Variants in PAX1 observed in about 807,000 individuals in gnomAD.
PAX1 encodes the protein paired box protein Pax-1.
A neutral mutation model predicts 35.6 loss-of-function variants in PAX1; 18 were observed. The observed-to-expected ratio is 0.50, with a 90% CI of 0.35 to 0.75. The LOEUF is 0.75. PAX1 is among the 30% of genes least tolerant of loss of function. The probability of loss-of-function intolerance (pLI) is 0.01; values close to 1 mark genes in which losing one functional copy is unlikely to be tolerated. For synonymous variants in PAX1, 397 were observed against 305.2 expected, an observed-to-expected ratio of 1.30 and a Z score of -3.14; for missense variants, 760 against 661.5, an observed-to-expected ratio of 1.15 and a Z score of -1.63.
At chr20:21,712,022 T>C (rs1162807427) in intron 4 of PAX1, among the ~76,000 whole-genome samples, 1 of 152,228 alleles carries the variant, frequency 6.6e-6, no homozygotes, top group Non-Finnish European at 1.5e-5. Context: ...AAAAAATTCT[T>C]CTGTGTAATG....
chr20:21,712,025 G>C (rs919857574), intron 4 of PAX1, among the ~76,000 whole-genome samples: 3 of 152,162 alleles, frequency 2.0e-5, no homozygotes, highest in African/African-American at 7.2e-5. Flanking sequence ...AAATTCTTCT[G>C]TGTAATGAAA....
rs1984994355 is a variant in PAX1, at chr20:21,706,291, GC to G, written c.287-144del. The G allele has an allele frequency of 9.0e-7, 1 of 1,106,748 alleles. No homozygotes were observed. Among genetic ancestry groups the G allele is most frequent in the Non-Finnish European group, 1.3e-6 (1 of 743,516 alleles). The allele number at this position is 1,106,748 out of a possible 1,614,324, so 68.6% of individuals were successfully genotyped here. The stretch of plus-strand genomic sequence containing the variant: ...ACTCCAAGCCAGACCCAGGCGGTTT[GC>G]CCTTGGACTCCGAGCTGTCTGGGGA... On this transcript the variant is annotated intron_variant, in intron 1 of 4. Transcript: ENST00000613128. The surrounding 1 kb of genome is among the most constrained non-coding windows in gnomAD (Gnocchi z 5.3).
rs896546229 is a variant in PAX1 at position 21,717,660 on chromosome 20, G to A, written c.*3098G>A. On this transcript the variant is annotated 3_prime_UTR_variant, in exon 5 of 5. Coordinates refer to ENST00000613128, the MANE Select transcript of PAX1 (RefSeq NM_001257096.2). ...TTTGAGAAACAATCACTCCCTAAAC[G>A]CAGTTTGTCTTTGCCTTTCATTTTT... The A allele has an allele frequency of 7.2e-5, 11 of 152,076 alleles. No individual in the cohort carries two copies. Among genetic ancestry groups the A allele is most frequent in the African/African-American group, 1.2e-4 (5 of 41,404 alleles). 9.4% of individuals were successfully genotyped at this position (152,076 alleles called of 1,614,324 possible).
chr20:21,705,821 G>GC lies in PAX1; in HGVS notation c.110dup (p.Gln38ThrfsTer98). ...GGGCGGCAGCGCGCTCCGCTGCCGC[G>GC]CACAGCGCGTCTCCAGCCCGCGGCT... On this transcript the variant is annotated frameshift_variant, in exon 1 of 5. Coordinates refer to ENST00000613128, the MANE Select transcript of PAX1 (RefSeq NM_001257096.2). LOFTEE classifies it high-confidence loss of function. 7.5e-7 allele frequency: 1 copy of GC among 1,328,682 alleles called. No homozygotes were observed. Among genetic ancestry groups the GC allele is most frequent in the Non-Finnish European group, 9.6e-7 (1 of 1,036,766 alleles). The allele number at this position is 1,328,682 out of a possible 1,614,324, so 82.3% of individuals were successfully genotyped here. A position where few individuals can be genotyped will look rare whatever the true frequency, so the allele number is the denominator to read the frequency against.
chr20:21,710,733 A>G (rs1985176437), intron 4 of PAX1, among the ~76,000 whole-genome samples: 2 of 152,244 alleles, frequency 1.3e-5, no homozygotes, highest in Non-Finnish European at 2.9e-5. Context: ...GATGCCATCC[A>G]CAACAGTGAA....
At chr20:21,713,380 T>TGTG (rs1555805030) in intron 4 of PAX1, among the ~76,000 whole-genome samples, 72 of 135,880 alleles carry the variant, frequency 5.3e-4, no homozygotes, top group Admixed American at 1.1e-3. Flanking sequence ...TTTCTTTTTT[T>TGTG]TTTGTGTGTG....
chr20:21,714,210 G>A (rs1056336225), intron 4 of PAX1, among the ~76,000 whole-genome samples: 2 of 152,308 alleles, frequency 1.3e-5, no homozygotes, highest in Admixed American at 6.5e-5. Flanking sequence ...CCTGGCCAGC[G>A]GTCAGTGTTT....
rs770700593 is a variant in PAX1 at position 21,706,532 on chromosome 20, G to T, written c.381G>T (p.Ala127=). The change falls in exon 2 of 5, where the codon GCG becomes GCT. Residue 127 remains alanine (A), a synonymous_variant. Coordinates refer to ENST00000613128, the MANE Select transcript of PAX1 (RefSeq NM_001257096.2). The surrounding 1 kb of genome is among the most constrained non-coding windows in gnomAD (Gnocchi z 5.3). ...TCCGCTTGCGCATTGTGGAGCTGGC[G>T]CAGCTGGGCATCCGACCCTGTGACA... The part of the protein sequence containing the change: ...NAIRLRIVEL[A]QLGIRPCDIS... 1 of 1,612,320 alleles carries T rather than the reference G, an allele frequency of 6.2e-7. No individual in the cohort carries two copies. The highest frequency in any genetic ancestry group is 8.5e-7 in the Non-Finnish European group (1 of 1,179,996).
intron 4 of PAX1, among the ~76,000 whole-genome samples, chr20:21,711,251 G>C (rs889329849): frequency 6.6e-6 from 1 of 152,256 alleles, no homozygotes; most frequent in Non-Finnish European, 1.5e-5. Flanking sequence ...GAATGCATTT[G>C]TTTTCAATAG....
At position 21,709,462 on chromosome 20, in the gene PAX1, T is replaced by TG. The variant is rs35752633; in HGVS notation, c.1282+22dup. ...CCGAGAAGGTGAGGAGCGCAGGGAG[T>TG]GGGGCGGGTGGATGCTGGAAGGGTT... is the stretch of plus-strand genomic sequence containing the variant. On this transcript the variant is annotated intron_variant, in intron 4 of 4. Transcript: ENST00000613128. 2 of 1,491,718 alleles carry TG rather than the reference T, an allele frequency of 1.3e-6. No individual in the cohort carries two copies. The highest frequency in any genetic ancestry group is 1.8e-6 in the Non-Finnish European group (2 of 1,122,194). The allele number at this position is 1,491,718 out of a possible 1,614,324, so 92.4% of individuals were successfully genotyped here.
At chr20:21,713,369 T>C (rs1985255541) in intron 4 of PAX1, among the ~76,000 whole-genome samples, 1 of 137,458 alleles carries the variant, frequency 7.3e-6, no homozygotes, top group Non-Finnish European at 1.5e-5. Context: ...AAACCGTGTG[T>C]TTTCTTTTTT....
In PAX1 at chr20:21,706,008, G is replaced by T; in HGVS notation, c.286+10G>T. The T allele has an allele frequency of 1.4e-6, 2 of 1,467,444 alleles. No homozygotes were observed. Among genetic ancestry groups the T allele is most frequent in the Non-Finnish European group, 1.8e-6 (2 of 1,118,730 alleles). 90.9% of individuals were successfully genotyped at this position (1,467,444 alleles called of 1,614,324 possible). A position where few individuals can be genotyped will look rare whatever the true frequency, so the allele number is the denominator to read the frequency against. ...GGCCCGCTCGCTATGGGTAAGGGGCGGGCGACAGGCAGGGCTCGGGAGGGC... is the reference window on the plus strand; with the variant it reads ...GGCCCGCTCGCTATGGGTAAGGGGCTGGCGACAGGCAGGGCTCGGGAGGGC... On this transcript the variant is annotated intron_variant, in intron 1 of 4. Transcript: ENST00000613128. This position sits in a 1 kb window ranked among gnomAD's most constrained non-coding sequence, Gnocchi z 5.3.
In PAX1 at chr20:21,712,967, G is replaced by A. The variant is rs368140458; in HGVS notation, c.1283-1504G>A. Among the ~76,000 whole-genome samples, 90 of 152,322 alleles carry A rather than the reference G, an allele frequency of 5.9e-4. 2 individuals are homozygous for A. The South Asian group carries it at 0.018, about 30-fold the overall frequency. The stretch of plus-strand genomic sequence containing the variant: ...CCTGACCTAGGCCCCGGCCTCCGAG[G>A]GCCCAGAAGTACCCACCCTTGTTGT... On this transcript the variant is annotated intron_variant, in intron 4 of 4. Coordinates refer to ENST00000613128, the MANE Select transcript of PAX1 (RefSeq NM_001257096.2).
At position 21,706,637 on chromosome 20, in the gene PAX1, C is replaced by T. The variant is rs199752989; in HGVS notation, c.486C>T (p.Pro162=). 1.2e-5 allele frequency: 19 copies of T among 1,612,068 alleles called. No individual in the cohort carries two copies. In the East Asian group the frequency reaches 3.6e-4, roughly 30 times the overall value. ...ARYNETGSIL[P]GAIGGSKPRV... Reference sequence around the variant, plus strand: ...ACAACGAGACCGGCTCCATTCTGCCCGGGGCCATCGGGGGGAGCAAGCCCC... The same window carrying T: ...ACAACGAGACCGGCTCCATTCTGCCTGGGGCCATCGGGGGGAGCAAGCCCC... The change falls in exon 2 of 5, where the codon CCC becomes CCT. Residue 162 remains proline (P), a synonymous_variant. Transcript: ENST00000613128. The surrounding 1 kb of genome is among the most constrained non-coding windows in gnomAD (Gnocchi z 5.3).
chr20:21,707,973 A>G (rs771374339), intron 2 of PAX1, among the ~76,000 whole-genome samples: 1 of 152,128 alleles, frequency 6.6e-6, no homozygotes, highest in Non-Finnish European at 1.5e-5. Context: ...TTCCCATGGA[A>G]TGGCAGGGGT....
intron 2 of PAX1, chr20:21,708,179 G>A (rs1017350346): frequency 2.7e-6 from 1 of 376,460 alleles, no homozygotes; most frequent in African/African-American, 2.1e-5. Context: ...CCAGAGGCTT[G>A]TGCAGATGTT....
rs1293246302 is a variant in PAX1 at position 21,706,505 on chromosome 20, C to T, written c.354C>T (p.Ala118=). Reference sequence around the variant, plus strand: ...TCAACGGCCGCCCCCTGCCCAACGCCATCCGCTTGCGCATTGTGGAGCTGG... The same window carrying T: ...TCAACGGCCGCCCCCTGCCCAACGCTATCCGCTTGCGCATTGTGGAGCTGG... ...VFVNGRPLPN[A]IRLRIVELAQ... Residue 118 remains alanine, a synonymous_variant, in exon 2 of 5, where the codon GCC becomes GCT. Coordinates refer to ENST00000613128, the MANE Select transcript of PAX1 (RefSeq NM_001257096.2). This position sits in a 1 kb window ranked among gnomAD's most constrained non-coding sequence, Gnocchi z 5.3. The T allele has an allele frequency of 6.2e-7, 1 of 1,612,324 alleles. No homozygotes were observed.
chr20:21,709,398 C>A lies in PAX1; in HGVS notation c.1236C>A (p.Gly412=), dbSNP rs766079045. The change falls in exon 4 of 5, where the codon GGC becomes GGA. Residue 412 remains glycine (G), a synonymous_variant. Transcript: ENST00000613128. ...APPGAGVAVH[G]GELAAAMTFK... is the part of the protein sequence containing the mutation. Reference sequence around the variant, plus strand: ...CCGGGGCCGGCGTAGCTGTGCATGGCGGGGAACTCGCGGCAGCAATGACCT... The same window carrying A: ...CCGGGGCCGGCGTAGCTGTGCATGGAGGGGAACTCGCGGCAGCAATGACCT... The A allele has an allele frequency of 1.3e-6, 2 of 1,549,712 alleles. No individual in the cohort carries two copies. Among genetic ancestry groups the A allele is most frequent in the African/African-American group, 2.7e-5 (2 of 73,740 alleles).
Position 21,705,889 on chromosome 20 carries a change from C to A in PAX1, c.177C>A (p.Cys59Ter), listed in dbSNP as rs1266250537. 2 of 1,403,052 alleles carry A rather than the reference C, an allele frequency of 1.4e-6. No homozygotes were observed. Among genetic ancestry groups the A allele is most frequent in the Admixed American group, 5.5e-5 (2 of 36,254 alleles). The allele number at this position is 1,403,052 out of a possible 1,614,324, so 86.9% of individuals were successfully genotyped here. ...GSRLSGALPL[C>*]LSRGGGGAQA... ...GGCTCTCGGGCGCCCTCCCTCTATG[C>A]CTCTCACGCGGCGGCGGCGGCGCCC... is the stretch of plus-strand genomic sequence containing the variant. The change falls in exon 1 of 5, where the codon TGC becomes TGA. Residue 59 changes from cysteine to a stop codon, truncating the protein, a stop_gained. Transcript: ENST00000613128. LOFTEE classifies it high-confidence loss of function.
Sources: allele counts gnomAD v4.1 joint callset (sites outside exome capture counted in the v4.1 genomes callset), GRCh38; gene constraint gnomAD v4.1.1; non-coding constraint Gnocchi (gnomAD v3.1); transcripts MANE v1.5; gene names NCBI Gene and HGNC (gene_info 2026-07-23, HGNC 2026-07-21).